The following MYO1E variants were observed in gnomAD, a reference collection of about 807,000 sequenced individuals.
The protein encoded by MYO1E is unconventional myosin-Ie.
In MYO1E, 68 loss-of-function variants were observed where a neutral mutation model predicts 151.1. The ratio of observed to expected loss-of-function variants is 0.45; its 90% confidence interval spans 0.37 to 0.55. MYO1E has a LOEUF of 0.55. Ranked by LOEUF, MYO1E falls within the 20% of genes least tolerant of loss-of-function variation. The pLI is 0.00. For missense variants in MYO1E, 1,363 were observed against 1,389.3 expected, an observed-to-expected ratio of 0.98 and a Z score of 0.30; for synonymous variants, 601 against 501.7, an observed-to-expected ratio of 1.20 and a Z score of -2.64.
In MYO1E at chr15:59,350,928, G is replaced by A. The variant is rs1397117371; in HGVS notation, c.3+21570C>T. Among the ~76,000 whole-genome samples the A allele has an allele frequency of 1.3e-5, 2 of 152,130 alleles. No homozygotes were observed. The highest frequency in any genetic ancestry group is 4.8e-5 in the African/African-American group (2 of 41,412). Reference sequence around the variant, plus strand: ...TTTGTCTTTTTTGAGACGGAGTCTCGCTCTGTCACCCAGGCTGGCGTGCAG... The same window carrying A: ...TTTGTCTTTTTTGAGACGGAGTCTCACTCTGTCACCCAGGCTGGCGTGCAG... On this transcript the variant is annotated intron_variant, in intron 1 of 27. Coordinates refer to ENST00000288235, the MANE Select transcript of MYO1E (RefSeq NM_004998.4). The surrounding 1 kb of genome is among the most constrained non-coding windows in gnomAD (Gnocchi z 5.0).
chr15:59,229,042 T>A (rs1414416076), intron 6 of MYO1E, among the ~76,000 whole-genome samples: 3 of 152,232 alleles, frequency 2.0e-5, no homozygotes, highest in African/African-American at 7.2e-5. Flanking sequence ...AAAAGCTCAC[T>A]GAAAGAGAGC....
chr15:59,247,067 G>A (rs114790136), intron 4 of MYO1E, among the ~76,000 whole-genome samples: 16 of 152,254 alleles, frequency 1.1e-4, no homozygotes, highest in East Asian at 7.7e-4. Flanking sequence ...ATGATGGTGC[G>A]CATCTGTGGT....
At chr15:59,239,246 T>G (rs2080085858) in intron 4 of MYO1E, among the ~76,000 whole-genome samples, 1 of 150,056 alleles carries the variant, frequency 6.7e-6, no homozygotes, top group African/African-American at 2.4e-5. Context: ...TTTTAAAATT[T>G]GTGTATTTCA....
At position 59,178,446 on chromosome 15, in the gene MYO1E, T is replaced by C. The variant is rs751592531; in HGVS notation, c.1996A>G (p.Ser666Gly). 6.2e-7 allele frequency: 1 copy of C among 1,614,246 alleles called. No individual in the cohort carries two copies. Among genetic ancestry groups the C allele is most frequent in the Non-Finnish European group, 8.5e-7 (1 of 1,180,038 alleles). ...CTCCTCCCCAGCTGGAACTGGTCGC[T>C]GTCCATGTTGACCGACTGCAGCAGG... ...LHLLQSVNMD[S>G]DQFQLGRSKV... Residue 666 changes from serine (S) to glycine (G), a missense_variant, in exon 19 of 28, where the codon AGC becomes GGC. By Grantham distance (56) the Ser-to-Gly change is moderately conservative. Transcript: ENST00000288235.
intron 1 of MYO1E, among the ~76,000 whole-genome samples, chr15:59,295,539 G>A (rs1001374410): frequency 2.6e-5 from 4 of 152,220 alleles, no homozygotes; most frequent in Non-Finnish European, 5.9e-5. Context: ...CCCAGGTCAT[G>A]CAGAAAAACT....
At position 59,233,525 on chromosome 15, in the gene MYO1E, A is replaced by G. The variant is rs1272873271; in HGVS notation, c.421-1734T>C. ...CTAAAAATACAAAAATTAGCTGGGC[A>G]TAGTGGTGCACGCCTGTAGTCCCAG... On this transcript the variant is annotated intron_variant, in intron 5 of 27. Transcript: ENST00000288235. Among the ~76,000 whole-genome samples, 10 of 152,114 alleles carry G rather than the reference A, an allele frequency of 6.6e-5. No individual in the cohort carries two copies. In the East Asian group the frequency reaches 1.9e-3, roughly 29 times the overall value.
chr15:59,138,398 GCCCCAACAGGGGGCAGC>G, intron 26 of MYO1E, 31 bp from the exon 27 acceptor site: 1 of 1,612,320 alleles, frequency 6.2e-7, no homozygotes, highest in Non-Finnish European at 8.5e-7. Flanking sequence ...ATGAGACTGG[GCCCCAACAGGGGGCAGC>G]AGCACCGAAC....
intron 14 of MYO1E, chr15:59,206,726 G>A: frequency 3.6e-6 from 2 of 553,256 alleles, no homozygotes; most frequent in Non-Finnish European, 6.4e-6. Flanking sequence ...ACTTGCTAGA[G>A]AAGCAGCCCT....
At chr15:59,171,776 C>T in intron 22 of MYO1E, 121 bp downstream of exon 22, 1 of 1,290,908 alleles carries the variant, frequency 7.7e-7, no homozygotes, top group Non-Finnish European at 1.1e-6. Context: ...ATTCCATTCT[C>T]TTGATCATGA....
At chr15:59,184,543 T>C (rs564984697) in intron 18 of MYO1E, among the ~76,000 whole-genome samples, 2 of 151,906 alleles carry the variant, frequency 1.3e-5, no homozygotes, top group Non-Finnish European at 2.9e-5. Flanking sequence ...GTATTTTTAG[T>C]AGAGACAGGG....
At chr15:59,216,691 T>TACACACACACACACACAC (rs199582846) in intron 10 of MYO1E, among the ~76,000 whole-genome samples, 1 of 56,516 alleles carries the variant, frequency 1.8e-5, no homozygotes, top group Admixed American at 1.9e-4. Flanking sequence ...TATATACACA[T>TACACACACACACACACAC]ACACACACAC....
At chr15:59,198,943 C>G (rs1370460006) in intron 16 of MYO1E, among the ~76,000 whole-genome samples, 1 of 152,192 alleles carries the variant, frequency 6.6e-6, no homozygotes, top group Non-Finnish European at 1.5e-5. Context: ...AAGCTATAGC[C>G]AGTCTGCCTT....
At chr15:59,194,476 G>A (rs1308099919) in intron 17 of MYO1E, among the ~76,000 whole-genome samples, 1 of 152,166 alleles carries the variant, frequency 6.6e-6, no homozygotes, top group Non-Finnish European at 1.5e-5. Flanking sequence ...CCTGTCCCTC[G>A]CAGGAGATAA....
intron 1 of MYO1E, among the ~76,000 whole-genome samples, chr15:59,324,666 C>G (rs1452540299): frequency 3.3e-5 from 5 of 149,802 alleles, no homozygotes; most frequent in Non-Finnish European, 5.9e-5. Context: ...ATCCCAAGCC[C>G]CCCCCCCACA....
intron 2 of MYO1E, among the ~76,000 whole-genome samples, chr15:59,263,233 C>T (rs2080234421): frequency 6.6e-6 from 1 of 152,156 alleles, no homozygotes. Flanking sequence ...CCATGAAAAC[C>T]AGCCCAGGTG....
In MYO1E at chr15:59,216,643, A is replaced by AGTGTGTGTGTGTGTGT. The variant is rs1301548766; in HGVS notation, c.1107+1232_1107+1247dup. Among the ~76,000 whole-genome samples, 421 of 43,416 alleles carry AGTGTGTGTGTGTGTGT rather than the reference A, an allele frequency of 9.7e-3. 43 individuals are homozygous for AGTGTGTGTGTGTGTGT. The highest frequency in any genetic ancestry group is 0.019 in the African/African-American group (213 of 10,948). 28.5% of individuals were successfully genotyped at this position (43,416 alleles called of 152,430 possible). On this transcript the variant is annotated intron_variant, in intron 10 of 27. Transcript: ENST00000288235. ...CTATCTTTTGGATCGAAGGGCCCCC[A>AGTGTGTGTGTGTGTGT]GTGTGTGTGTGTGTGTGTATGTGTA...
intron 9 of MYO1E, among the ~76,000 whole-genome samples, chr15:59,222,670 A>T (rs184984723): frequency 2.2e-4 from 33 of 152,310 alleles, no homozygotes; most frequent in Middle Eastern, 3.4e-3. Flanking sequence ...GTGAATTTAG[A>T]TCCTAAAGAC....
chr15:59,331,914 G>A (rs2080700414), intron 1 of MYO1E, among the ~76,000 whole-genome samples: 1 of 152,160 alleles, frequency 6.6e-6, no homozygotes, highest in Non-Finnish European at 1.5e-5. Flanking sequence ...GGGCAAGGGT[G>A]ATATTCAAAA....
intron 16 of MYO1E, among the ~76,000 whole-genome samples, chr15:59,201,364 G>C (rs2079800585): frequency 6.6e-6 from 1 of 151,350 alleles, no homozygotes; most frequent in Non-Finnish European, 1.5e-5. Context: ...AAAGTGTTGG[G>C]ATTACAGGCC....
Sources: allele counts gnomAD v4.1 joint callset (sites outside exome capture counted in the v4.1 genomes callset), GRCh38; gene constraint gnomAD v4.1.1; non-coding constraint Gnocchi (gnomAD v3.1); transcripts MANE v1.5; gene names NCBI Gene and HGNC (gene_info 2026-07-23, HGNC 2026-07-21).